KAZN: variants seen among roughly 807,000 people sequenced by gnomAD.
KAZN encodes the protein kazrin.
Under a neutral mutation model 87.4 loss-of-function variants are expected in KAZN, and 40 were observed. The observed-to-expected ratio is 0.46, with a 90% confidence interval of 0.36 to 0.60. The LOEUF (loss-of-function observed/expected upper bound fraction) is 0.60, where lower values mean the gene tolerates loss of function less well. Ranked by LOEUF, KAZN falls within the 20% of genes least tolerant of loss-of-function variation. The probability of loss-of-function intolerance (pLI) is 0.00; values close to 1 mark genes in which losing one functional copy is unlikely to be tolerated. For missense variants in KAZN, 898 were observed against 1,073.9 expected (o/e 0.84, Z 2.29); for synonymous variants, 466 against 458.3 (o/e 1.02, Z -0.22).
intron 1 of KAZN, among the ~76,000 whole-genome samples, chr1:14,784,718 C>A (rs1478002387): frequency 6.6e-6 from 1 of 152,148 alleles, no homozygotes; most frequent in African/African-American, 2.4e-5. Flanking sequence ...AACACCATGC[C>A]ACTGCACTCC....
chr1:14,830,808 C>G (rs966978381), intron 1 of KAZN, among the ~76,000 whole-genome samples: 2 of 152,202 alleles, frequency 1.3e-5, no homozygotes, highest in African/African-American at 4.8e-5. Flanking sequence ...TCCCACAACA[C>G]TGGGGATTAC....
rs529935914 is a variant in KAZN, at chr1:14,088,998, T to TAAA, written c.92-91428_92-91426dup. On this transcript the variant is annotated intron_variant, in intron 1 of 16. Coordinates refer to the KAZN transcript ENST00000636203. ...AGTGGTTGCATGCCTTACCATTTTC[T>TAAA]AAAAAAAAAAATCCAGACTTTATTT... Among the ~76,000 whole-genome samples the TAAA allele has an allele frequency of 6.4e-3, 934 of 146,196 alleles. 10 individuals carry two copies. The South Asian group carries it at 0.065, about 10-fold the overall frequency.
At chr1:14,242,266 A>G (rs1649020259) in intron 2 of KAZN, among the ~76,000 whole-genome samples, 1 of 152,198 alleles carries the variant, frequency 6.6e-6, no homozygotes, top group South Asian at 2.1e-4. Context: ...GTTCCTAAAT[A>G]CCGGTTGCGA....
intron 1 of KAZN, among the ~76,000 whole-genome samples, chr1:14,874,631 C>T (rs1291477112): frequency 6.6e-6 from 1 of 152,192 alleles, no homozygotes; most frequent in Non-Finnish European, 1.5e-5. Context: ...CCTGACACTC[C>T]GTGTGCCAGA....
intron 1 of KAZN, among the ~76,000 whole-genome samples, chr1:14,169,400 C>G (rs10489143): frequency 0.11 from 17,414 of 152,148 alleles, 1,112 homozygotes; most frequent in East Asian, 0.33. Context: ...TCCATTCCAG[C>G]AGAGTTTCCA....
At chr1:14,737,694 C>T (rs1384523985) in intron 1 of KAZN, among the ~76,000 whole-genome samples, 5 of 152,326 alleles carry the variant, frequency 3.3e-5, no homozygotes, top group South Asian at 2.1e-4. Flanking sequence ...ACTCCAGGTC[C>T]TCTTTCGAGC....
chr1:14,629,336 G>A (rs754808710), intron 1 of KAZN, among the ~76,000 whole-genome samples: 7 of 152,150 alleles, frequency 4.6e-5, no homozygotes, highest in Non-Finnish European at 8.8e-5. Context: ...TGCCATATTC[G>A]TTGCTGTATT....
At chr1:15,034,991 G>A (rs1672116549) in intron 3 of KAZN, 106 bp downstream of exon 3, 2 of 1,390,416 alleles carry the variant, frequency 1.4e-6, no homozygotes, top group Non-Finnish European at 2.0e-6. Context: ...CCCAAACACA[G>A]ATAGGGAGGC....
At position 14,620,908 on chromosome 1, in the gene KAZN, C is replaced by A. The variant is rs546231563; in HGVS notation, c.226+21685C>A. On this transcript the variant is annotated intron_variant, in intron 1 of 14. Transcript: ENST00000376030. Reference sequence around the variant, plus strand: ...TACAACCTAATTTCCATGAAAGTGTCCCCATCATCATCTTCAGTGTGCCCA... The same window carrying A: ...TACAACCTAATTTCCATGAAAGTGTACCCATCATCATCTTCAGTGTGCCCA... Among the ~76,000 whole-genome samples the A allele has an allele frequency of 3.3e-5, 5 of 152,298 alleles. No individual in the cohort carries two copies. In the East Asian group the frequency reaches 9.7e-4, roughly 29 times the overall value.
intron 2 of KAZN, among the ~76,000 whole-genome samples, chr1:14,974,001 T>C (rs903091001): frequency 1.3e-5 from 2 of 152,002 alleles, no homozygotes; most frequent in Non-Finnish European, 2.9e-5. Context: ...TAGGGGTACT[T>C]CCATGCTATT....
intron 1 of KAZN, among the ~76,000 whole-genome samples, chr1:14,905,656 C>T (rs561054383): frequency 6.6e-5 from 10 of 151,782 alleles, no homozygotes; most frequent in South Asian, 2.1e-4. Context: ...CCATCCTGGC[C>T]AACATGGTGA....
chr1:14,269,281 GA>G (rs1244246754), intron 2 of KAZN, among the ~76,000 whole-genome samples: 2 of 151,874 alleles, frequency 1.3e-5, no homozygotes, highest in Admixed American at 6.6e-5. Flanking sequence ...TGGTGAATAG[GA>G]AAAAAGATGC....
chr1:14,781,501 G>C (rs1285402390), intron 1 of KAZN, among the ~76,000 whole-genome samples: 1 of 152,210 alleles, frequency 6.6e-6, no homozygotes, highest in East Asian at 1.9e-4. Context: ...TGCTCGAGCA[G>C]CCTTTACAAA....
At chr1:14,793,797 G>A (rs746546763) in intron 1 of KAZN, among the ~76,000 whole-genome samples, 1 of 152,194 alleles carries the variant, frequency 6.6e-6, no homozygotes, top group Non-Finnish European at 1.5e-5. Flanking sequence ...ATCAGAACAG[G>A]GCCTAGTTTG....
At chr1:14,533,733 A>G (rs1172011485) in intron 2 of KAZN, among the ~76,000 whole-genome samples, 1 of 152,094 alleles carries the variant, frequency 6.6e-6, no homozygotes, top group Non-Finnish European at 1.5e-5. Context: ...CACGTGCTTC[A>G]TGGAGATTTC....
intron 1 of KAZN, among the ~76,000 whole-genome samples, chr1:14,149,359 G>A (rs894867346): frequency 6.6e-6 from 1 of 151,094 alleles, no homozygotes; most frequent in Non-Finnish European, 1.5e-5. Context: ...CACCTGCCTC[G>A]GCCTCCCAAA....
At chr1:15,002,392 G>C (rs1668578472) in intron 2 of KAZN, among the ~76,000 whole-genome samples, 1 of 152,174 alleles carries the variant, frequency 6.6e-6, no homozygotes, top group South Asian at 2.1e-4. Context: ...CAATGGGTCT[G>C]CAGCCCCAGA....
At chr1:14,044,502 A>T (rs1399473990) in intron 1 of KAZN, among the ~76,000 whole-genome samples, 1 of 152,160 alleles carries the variant, frequency 6.6e-6, no homozygotes, top group Non-Finnish European at 1.5e-5. Flanking sequence ...TGGGATACTG[A>T]TGAAGAGCGG....
chr1:14,530,892 G>T (rs1401423298), intron 2 of KAZN, among the ~76,000 whole-genome samples: 1 of 152,086 alleles, frequency 6.6e-6, no homozygotes, highest in Non-Finnish European at 1.5e-5. Context: ...TGAGACTTGG[G>T]CAACATGGCG....
Sources: allele counts gnomAD v4.1 joint callset (sites outside exome capture counted in the v4.1 genomes callset), GRCh38; gene constraint gnomAD v4.1.1; transcripts MANE v1.5; gene names NCBI Gene and HGNC (gene_info 2026-07-23, HGNC 2026-07-21).